Variants in RBFOX1 observed in about 807,000 individuals in gnomAD.
RBFOX1 encodes RNA binding protein fox-1 homolog 1.
Under a neutral mutation model 57.7 loss-of-function variants are expected in RBFOX1, and 8 were observed. The observed-to-expected ratio is 0.14, with a 90% confidence interval of 0.08 to 0.25. The LOEUF is 0.25. RBFOX1 is among the 10% of genes least tolerant of loss of function. The pLI, the probability that RBFOX1 is intolerant of heterozygous loss-of-function variation, is 1.00. For missense variants in RBFOX1, 611 were observed against 548.5 expected (o/e 1.11, Z -1.14); for synonymous variants, 326 against 222.4 (o/e 1.47, Z -4.15).
At chr16:7,621,343 C>T (rs1233190125) in intron 10 of RBFOX1, among the ~76,000 whole-genome samples, 3 of 152,060 alleles carry the variant, frequency 2.0e-5, no homozygotes, top group Admixed American at 2.0e-4. Flanking sequence ...TCATTGCAAC[C>T]TCTGCCTCGC....
intron 2 of RBFOX1, among the ~76,000 whole-genome samples, chr16:5,565,299 G>C (rs188667436): frequency 2.0e-4 from 31 of 152,258 alleles, no homozygotes; most frequent in Admixed American, 2.0e-3. Flanking sequence ...GTGTGTTCAT[G>C]TGCATGCATG....
chr16:5,293,998 G>A (rs1175527099), intron 1 of RBFOX1, among the ~76,000 whole-genome samples: 2 of 152,208 alleles, frequency 1.3e-5, no homozygotes, highest in African/African-American at 4.8e-5. Context: ...GGAGGCCAAG[G>A]CGGGTAGAAC....
In RBFOX1 at chr16:7,462,885, T is replaced by C. The variant is rs73500308; in HGVS notation, c.28-55262T>C. ...TCACTCTGACTCTAGTTGGAGAAAGTTGTCCACCTTGAAAGGCTCATTCCA... is the reference window on the plus strand; with the variant it reads ...TCACTCTGACTCTAGTTGGAGAAAGCTGTCCACCTTGAAAGGCTCATTCCA... On this transcript the variant is annotated intron_variant, in intron 4 of 15. Transcript: ENST00000550418. 8.2e-3 allele frequency among the ~76,000 whole-genome samples: 1,254 copies of C among 152,308 alleles called. 13 individuals are homozygous for C. The highest frequency in any genetic ancestry group is 0.028 in the African/African-American group (1,157 of 41,576).
At chr16:5,264,998 T>A (rs1380731607) in intron 1 of RBFOX1, among the ~76,000 whole-genome samples, 1 of 151,772 alleles carries the variant, frequency 6.6e-6, no homozygotes, top group African/African-American at 2.4e-5. Context: ...ATGGTGGAAT[T>A]TCTCTGTGTG....
intron 4 of RBFOX1, among the ~76,000 whole-genome samples, chr16:7,473,058 G>C (rs953648533): frequency 6.6e-6 from 1 of 152,258 alleles, no homozygotes; most frequent in African/African-American, 2.4e-5. Context: ...TCCAAGGGTT[G>C]ATACAAACGA....
intron 4 of RBFOX1, among the ~76,000 whole-genome samples, chr16:7,414,028 C>T (rs971657127): frequency 6.6e-6 from 1 of 152,170 alleles, no homozygotes; most frequent in Non-Finnish European, 1.5e-5. Flanking sequence ...GTGCAGAGTC[C>T]TGACCCTGCC....
chr16:5,666,212 G>T (rs557053542), intron 3 of RBFOX1, among the ~76,000 whole-genome samples: 1 of 152,214 alleles, frequency 6.6e-6, no homozygotes, highest in African/African-American at 2.4e-5. Flanking sequence ...GCAGTTCTTC[G>T]CAGAGCGCGG....
intron 1 of RBFOX1, among the ~76,000 whole-genome samples, chr16:5,272,204 A>G (rs1393272188): frequency 1.3e-5 from 2 of 152,194 alleles, no homozygotes; most frequent in Non-Finnish European, 2.9e-5. Context: ...CAAAATAACT[A>G]AGAGGGTACA....
chr16:6,746,614 G>T (rs1216670810), intron 3 of RBFOX1, among the ~76,000 whole-genome samples: 3 of 151,992 alleles, frequency 2.0e-5, no homozygotes, highest in African/African-American at 7.3e-5. Context: ...GGAAGTTGAG[G>T]CTGCAGTGAC....
chr16:5,921,143 C>T (rs1160383156), intron 4 of RBFOX1, among the ~76,000 whole-genome samples: 1 of 152,082 alleles, frequency 6.6e-6, no homozygotes, highest in Non-Finnish European at 1.5e-5. Flanking sequence ...TGCTAGGCAC[C>T]CCAGAGAATG....
intron 4 of RBFOX1, among the ~76,000 whole-genome samples, chr16:7,434,408 C>A (rs562735505): frequency 2.6e-5 from 4 of 151,944 alleles, no homozygotes; most frequent in Non-Finnish European, 5.9e-5. Context: ...GGAGGCGGAG[C>A]TTGCAGTGAG....
intron 3 of RBFOX1, among the ~76,000 whole-genome samples, chr16:5,827,627 C>A (rs1338865307): frequency 6.6e-6 from 1 of 152,116 alleles, no homozygotes; most frequent in Non-Finnish European, 1.5e-5. Flanking sequence ...GTGAAGGCAA[C>A]CACAGAGGGT....
At chr16:5,431,124 G>A (rs768463719) in intron 1 of RBFOX1, among the ~76,000 whole-genome samples, 4 of 152,174 alleles carry the variant, frequency 2.6e-5, no homozygotes, top group African/African-American at 7.2e-5. Flanking sequence ...GTGTAAGTCC[G>A]CAGTCACCCT....
chr16:6,049,030 C>T (rs187780365), intron 1 of RBFOX1, among the ~76,000 whole-genome samples: 5 of 146,866 alleles, frequency 3.4e-5, no homozygotes, highest in East Asian at 2.0e-4. Context: ...TTTTGACGAT[C>T]GACCCCTTAC....
At chr16:6,682,021 A>C (rs986149405) in intron 3 of RBFOX1, among the ~76,000 whole-genome samples, 4 of 152,124 alleles carry the variant, frequency 2.6e-5, no homozygotes, top group Non-Finnish European at 5.9e-5. Context: ...ATACACCCTT[A>C]CTCCTGACTG....
At chr16:5,285,802 T>C (rs370264223) in intron 1 of RBFOX1, among the ~76,000 whole-genome samples, 5 of 152,166 alleles carry the variant, frequency 3.3e-5, no homozygotes, top group African/African-American at 1.2e-4. Flanking sequence ...AGATGGAGTC[T>C]TGCTCTGTCA....
intron 3 of RBFOX1, among the ~76,000 whole-genome samples, chr16:6,839,890 T>C (rs757541114): frequency 1.3e-5 from 2 of 152,232 alleles, no homozygotes; most frequent in Non-Finnish European, 2.9e-5. Context: ...CATCCCATTC[T>C]CTCGATTTCT....
chr16:5,315,055 C>T (rs1157752993), intron 1 of RBFOX1, among the ~76,000 whole-genome samples: 1 of 152,098 alleles, frequency 6.6e-6, no homozygotes, highest in Non-Finnish European at 1.5e-5. Context: ...TCAGAGGAAC[C>T]AGTTTATCTG....
chr16:7,379,047 A>G (rs2097737422), intron 4 of RBFOX1, among the ~76,000 whole-genome samples: 1 of 152,218 alleles, frequency 6.6e-6, no homozygotes, highest in Non-Finnish European at 1.5e-5. Flanking sequence ...TGGCAATATT[A>G]ACAGTACTTA....
Sources: gnomAD v4.1 joint callset for allele counts (sites outside exome capture counted in the v4.1 genomes callset) on GRCh38, gnomAD v4.1.1 for gene constraint, MANE v1.5 for transcripts, NCBI Gene and HGNC (gene_info 2026-07-23, HGNC 2026-07-21) for gene names.